The following ZNF354C variants were observed in gnomAD, a reference collection of about 807,000 sequenced individuals.
ZNF354C encodes zinc finger protein 354C.
Under a neutral mutation model 12.4 loss-of-function variants are expected in ZNF354C, and 7 were observed. The observed-to-expected ratio is 0.56, with a 90% CI of 0.32 to 1.06. The LOEUF (loss-of-function observed/expected upper bound fraction) is 1.06. Among genes scored for constraint, ZNF354C ranks in the 50% least tolerant of loss-of-function variants. The pLI is 0.04. For missense variants in ZNF354C, 609 were observed against 658.0 expected (o/e 0.93, Z 0.81); for synonymous variants, 202 against 224.5 (o/e 0.90, Z 0.90).
At position 179,079,365 on chromosome 5, in the gene ZNF354C, G is replaced by C. The variant is rs199533630; in HGVS notation, c.933G>C (p.Gln311His). 8 of 1,614,102 alleles carry C rather than the reference G, an allele frequency of 5.0e-6. No individual in the cohort carries two copies. The East Asian group carries it at 1.8e-4, about 36-fold the overall frequency. Residue 311 changes from glutamine (Q) to histidine (H), a missense_variant, in exon 5 of 5, where the codon CAG (glutamine) becomes CAC (histidine). Coordinates refer to ENST00000315475, the MANE Select transcript of ZNF354C (RefSeq NM_014594.3). This position sits in a 1 kb window ranked among gnomAD's most constrained non-coding sequence, Gnocchi z 4.2. ...GGGAATGTGGTAAAGCCTTTAGCCA[G>C]TGTTCAACCCTCACTGTACATCAGA... ...RCRECGKAFS[Q>H]CSTLTVHQRI...
rs1489544756 is a variant in ZNF354C, at chr5:179,079,544, T to C, written c.1112T>C (p.Leu371Pro). ...AAGGGATACAGCCAGTTTACATCTC[T>C]AGCTGAACATCAGAGGTTTCATACT... ...CGKGYSQFTS[L>P]AEHQRFHTGE... Residue 371 changes from leucine to proline, a missense_variant, in exon 5 of 5, where the codon CTA becomes CCA. Transcript: ENST00000315475. The surrounding 1 kb of genome is among the most constrained non-coding windows in gnomAD (Gnocchi z 4.2). 6.2e-7 allele frequency: 1 copy of C among 1,614,158 alleles called. No homozygotes were observed. The highest frequency in any genetic ancestry group is 1.1e-5 in the South Asian group (1 of 91,084).
chr5:179,079,614 A>G lies in ZNF354C; in HGVS notation c.1182A>G (p.Thr394=), dbSNP rs781475874. 2.5e-6 allele frequency: 4 copies of G among 1,614,174 alleles called. No homozygotes were observed. Among genetic ancestry groups the G allele is most frequent in the Non-Finnish European group, 3.4e-6 (4 of 1,180,018 alleles). ...GCTTGGAATGTGGGAGAACCTTCACACGTATTGTAACCCTTATCGAACATC... is the reference window on the plus strand; with the variant it reads ...GCTTGGAATGTGGGAGAACCTTCACGCGTATTGTAACCCTTATCGAACATC... ...YTCLECGRTF[T]RIVTLIEHQR... Residue 394 remains threonine (T), a synonymous_variant, in exon 5 of 5, where the codon ACA becomes ACG. Transcript: ENST00000315475. This position sits in a 1 kb window ranked among gnomAD's most constrained non-coding sequence, Gnocchi z 4.2.
Position 179,082,875 on chromosome 5 carries a change from G to A in ZNF354C, c.*2778G>A. The A allele has an allele frequency of 9.2e-7, 1 of 1,089,334 alleles. No homozygotes were observed. The allele number at this position is 1,089,334 out of a possible 1,614,324, so 67.5% of individuals were successfully genotyped here. On this transcript the variant is annotated 3_prime_UTR_variant, in exon 5 of 5. Coordinates refer to ENST00000315475, the MANE Select transcript of ZNF354C (RefSeq NM_014594.3). ...CTCACAGACTCGCCAAACATTCCAGGCACTGCACTTGCCAGTGCGCTGATG... is the reference window on the plus strand; with the variant it reads ...CTCACAGACTCGCCAAACATTCCAGACACTGCACTTGCCAGTGCGCTGATG...
At position 179,076,527 on chromosome 5, in the gene ZNF354C, A is replaced by C. The variant is rs777831367; in HGVS notation, c.110A>C (p.Tyr37Ser). ...CTGGACTCTGCCCAGAGGGCCTTGT[A>C]CCGGGAGGTGATGCTGGAGAACTAC... Reference protein sequence around the residue: ...LHLDSAQRALYREVMLENYSS... With the variant: ...LHLDSAQRALSREVMLENYSS... The change falls in exon 3 of 5, where the codon TAC becomes TCC. Residue 37 changes from tyrosine (Y) to serine (S), a missense_variant. Transcript: ENST00000315475. 17 of 1,614,046 alleles carry C rather than the reference A, an allele frequency of 1.1e-5. No individual in the cohort carries two copies. The highest frequency in any genetic ancestry group is 1.4e-5 in the Non-Finnish European group (16 of 1,180,044).
intron 3 of ZNF354C, among the ~76,000 whole-genome samples, chr5:179,076,820 T>G (rs892897449): frequency 6.6e-6 from 1 of 152,096 alleles, no homozygotes; most frequent in Non-Finnish European, 1.5e-5. Flanking sequence ...GAGATCCCAG[T>G]TTAGATTCTG....
intron 1 of ZNF354C, among the ~76,000 whole-genome samples, chr5:179,061,097 T>C (rs564585411): frequency 1.3e-4 from 20 of 152,342 alleles, no homozygotes; most frequent in African/African-American, 4.6e-4. Context: ...GGAGGTGCGC[T>C]TCGTCGCGTA....
At chr5:179,065,185 G>A (rs1006223275) in intron 2 of ZNF354C, among the ~76,000 whole-genome samples, 1 of 151,990 alleles carries the variant, frequency 6.6e-6, no homozygotes, top group African/African-American at 2.4e-5. Context: ...TACAATTAAC[G>A]AGCCACCATT....
intron 2 of ZNF354C, 49 bp from the exon 3 acceptor site, chr5:179,076,396 C>T (rs376326985): frequency 1.0e-4 from 164 of 1,609,686 alleles, no homozygotes; most frequent in African/African-American, 8.0e-5. Flanking sequence ...CTGCATTTTC[C>T]GTTGAAGAAG....
rs1762201194 is a variant in ZNF354C at position 179,079,972 on chromosome 5, C to T, written c.1540C>T (p.His514Tyr). Residue 514 changes from histidine to tyrosine, a missense_variant, in exon 5 of 5, where the codon CAC (histidine) becomes TAC (tyrosine). Coordinates refer to ENST00000315475, the MANE Select transcript of ZNF354C (RefSeq NM_014594.3). The surrounding 1 kb of genome is among the most constrained non-coding windows in gnomAD (Gnocchi z 4.2). ...CAGTTACAGATCAAACCTTTGTAGA[C>T]ACAAAAAAGTTCACACGAAAGAGAA... ...AYSYRSNLCR[H>Y]KKVHTKEKLY... 1.2e-6 allele frequency: 2 copies of T among 1,613,932 alleles called. No homozygotes were observed. The highest frequency in any genetic ancestry group is 1.7e-6 in the Non-Finnish European group (2 of 1,179,940).
In ZNF354C at chr5:179,076,403, G is replaced by A. The variant is rs777874487; in HGVS notation, c.28-42G>A. On this transcript the variant is annotated intron_variant, in intron 2 of 4. Coordinates refer to ENST00000315475, the MANE Select transcript of ZNF354C (RefSeq NM_014594.3). The stretch of plus-strand genomic sequence containing the variant: ...CTTTCTTCCTGCATTTTCCGTTGAA[G>A]AAGATGGTCCTGGGTGAGCAGGTAT... The A allele has an allele frequency of 6.8e-6, 11 of 1,611,232 alleles. No homozygotes were observed. The South Asian group carries it at 9.9e-5, about 15-fold the overall frequency.
rs373505820 is a variant in ZNF354C at position 179,080,032 on chromosome 5, A to G, written c.1600A>G (p.Ile534Val). 3.7e-6 allele frequency: 6 copies of G among 1,611,300 alleles called. No individual in the cohort carries two copies. Among genetic ancestry groups the G allele is most frequent in the Non-Finnish European group, 5.1e-6 (6 of 1,179,136 alleles). The stretch of plus-strand genomic sequence containing the variant: ...GTGGAAGGAATATGGGAAACCTTTC[A>G]TCTGCAGCTCCTCACTTACCCAGTA... ...YKWKEYGKPF[I>V]CSSSLTQYQR... is the part of the protein sequence containing the mutation. The change falls in exon 5 of 5, where the codon ATC becomes GTC. Residue 534 changes from isoleucine to valine, a missense_variant. By Grantham distance (29) the Ile-to-Val change is conservative. Transcript: ENST00000315475.
chr5:179,075,448 T>A (rs561224067), intron 2 of ZNF354C, among the ~76,000 whole-genome samples: 26 of 151,500 alleles, frequency 1.7e-4, no homozygotes, highest in African/African-American at 4.8e-4. Context: ...TAAAATAAAA[T>A]AAAATAAAAT....
chr5:179,082,960 C>T lies in ZNF354C; in HGVS notation c.*2863C>T. 2.4e-6 allele frequency: 2 copies of T among 829,502 alleles called. No individual in the cohort carries two copies. Among genetic ancestry groups the T allele is most frequent in the Non-Finnish European group, 4.1e-6 (2 of 485,826 alleles). 51.4% of individuals were successfully genotyped at this position (829,502 alleles called of 1,614,324 possible). ...TGGAGCTCAAGGCCATCCTCAACTT[C>T]TTTCATATGGAAAAAGAGCTTCTTG... On this transcript the variant is annotated 3_prime_UTR_variant, in exon 5 of 5. Transcript: ENST00000315475.
At position 179,079,915 on chromosome 5, in the gene ZNF354C, C is replaced by G; in HGVS notation, c.1483C>G (p.Leu495Val). The G allele has an allele frequency of 6.2e-7, 1 of 1,613,890 alleles. No homozygotes were observed. The highest frequency in any genetic ancestry group is 8.5e-7 in the Non-Finnish European group (1 of 1,179,930). Residue 495 changes from leucine (L) to valine (V), a missense_variant, in exon 5 of 5, where the codon CTG (leucine) becomes GTG (valine). Leu to Val is a conservative substitution (Grantham distance 32). Coordinates refer to ENST00000315475, the MANE Select transcript of ZNF354C (RefSeq NM_014594.3). This position sits in a 1 kb window ranked among gnomAD's most constrained non-coding sequence, Gnocchi z 4.2. ...EHERIHTGEK[L>V]YKCMECGKAY... ...TGAGAGGATCCACACTGGAGAGAAA[C>G]TGTATAAATGTATGGAATGTGGGAA...
intron 2 of ZNF354C, among the ~76,000 whole-genome samples, chr5:179,071,699 A>G (rs1025626818): frequency 6.6e-6 from 1 of 152,186 alleles, no homozygotes; most frequent in Non-Finnish European, 1.5e-5. Flanking sequence ...GTGAATAACC[A>G]CAAGATAGAG....
In ZNF354C at chr5:179,076,931, C is replaced by G. The variant is rs906859887; in HGVS notation, c.155-140C>G. Reference sequence around the variant, plus strand: ...CCCGGCCATTGACAGCTCCAGTGCCCCTGCGAAGTGCTTGTGCTGCCTTGT... The same window carrying G: ...CCCGGCCATTGACAGCTCCAGTGCCGCTGCGAAGTGCTTGTGCTGCCTTGT... On this transcript the variant is annotated intron_variant, in intron 3 of 4. Transcript: ENST00000315475. 12 of 736,236 alleles carry G rather than the reference C, an allele frequency of 1.6e-5. No individual in the cohort carries two copies. The African/African-American group carries it at 1.7e-4, about 11-fold the overall frequency. The allele number at this position is 736,236 out of a possible 1,614,324, so 45.6% of individuals were successfully genotyped here.
At chr5:179,076,848 C>T (rs1245105428) in intron 3 of ZNF354C, among the ~76,000 whole-genome samples, 3 of 152,126 alleles carry the variant, frequency 2.0e-5, no homozygotes, top group African/African-American at 7.2e-5. Context: ...CATAGGGACC[C>T]CCCATCTTAG....
chr5:179,076,669 C>T, intron 3 of ZNF354C, 98 bp downstream of exon 3: 1 of 1,476,956 alleles, frequency 6.8e-7, no homozygotes, highest in Non-Finnish European at 9.1e-7. Flanking sequence ...CTACTGAGCC[C>T]CTCAGAAAGG....
At chr5:179,074,230 G>A (rs930846960) in intron 2 of ZNF354C, among the ~76,000 whole-genome samples, 7 of 150,504 alleles carry the variant, frequency 4.7e-5, no homozygotes, top group South Asian at 2.1e-4. Context: ...ATCCGCCCGC[G>A]TCAGCCTCCC....
Sources: gnomAD v4.1 joint callset for allele counts (sites outside exome capture counted in the v4.1 genomes callset) on GRCh38, gnomAD v4.1.1 for gene constraint, Gnocchi (gnomAD v3.1) non-coding constraint, MANE v1.5 for transcripts, NCBI Gene and HGNC (gene_info 2026-07-23, HGNC 2026-07-21) for gene names.